The following DPP6 variants were observed in gnomAD, a reference collection of about 807,000 sequenced individuals.
DPP6 encodes A-type potassium channel modulatory protein DPP6.
Under a neutral mutation model 122.6 loss-of-function variants are expected in DPP6, and 69 were observed. The observed-to-expected ratio is 0.56, with a 90% confidence interval of 0.46 to 0.69. The LOEUF (loss-of-function observed/expected upper bound fraction) is 0.69. Among genes scored for constraint, DPP6 ranks in the 30% least tolerant of loss-of-function variants. The pLI is 0.00. For missense variants in DPP6, 928 were observed against 1,116.9 expected (o/e 0.83, Z 2.41); for synonymous variants, 418 against 433.1 (o/e 0.97, Z 0.43).
rs540579215 is a variant in DPP6, at chr7:154,512,734, A to G, written c.458-27798A>G. ...ATCATCTTAGGGATGGCAAGTTCTT[A>G]CTGAGAAGGATGACTTCATGCTGGA... On this transcript the variant is annotated intron_variant, in intron 3 of 25. Transcript: ENST00000377770. 1.1e-4 allele frequency among the ~76,000 whole-genome samples: 17 copies of G among 152,336 alleles called. No individual in the cohort carries two copies. The East Asian group carries it at 3.1e-3, about 28-fold the overall frequency.
chr7:154,073,340 C>T (rs1803262489), intron 1 of DPP6, among the ~76,000 whole-genome samples: 1 of 152,158 alleles, frequency 6.6e-6, no homozygotes, highest in African/African-American at 2.4e-5. Flanking sequence ...TCCTGGTCCG[C>T]CTTCTTCTCT....
intron 1 of DPP6, among the ~76,000 whole-genome samples, chr7:154,165,221 T>C (rs1797186821): frequency 1.4e-5 from 2 of 144,110 alleles, no homozygotes; most frequent in South Asian, 2.3e-4. Flanking sequence ...GTGATCTCAT[T>C]GTTCAATTCC....
At chr7:154,072,389 C>T (rs1252811724) in intron 1 of DPP6, among the ~76,000 whole-genome samples, 2 of 152,178 alleles carry the variant, frequency 1.3e-5, no homozygotes, top group African/African-American at 2.4e-5. Context: ...TGCTGCTTTG[C>T]AAAGCTGCCT....
intron 1 of DPP6, among the ~76,000 whole-genome samples, chr7:153,925,139 C>CT (rs1800829120): frequency 6.6e-6 from 1 of 152,176 alleles, no homozygotes; most frequent in Non-Finnish European, 1.5e-5. Flanking sequence ...AGAGTATACT[C>CT]TGATTCCCTA....
chr7:154,356,855 A>G (rs6944172), intron 1 of DPP6, among the ~76,000 whole-genome samples: 12,995 of 152,226 alleles, frequency 0.085, 695 homozygotes, highest in African/African-American at 0.14. Flanking sequence ...TAGCAAATAG[A>G]AAGAATTAAA....
chr7:154,835,364 G>A (rs920745330), intron 16 of DPP6, among the ~76,000 whole-genome samples: 3 of 152,060 alleles, frequency 2.0e-5, no homozygotes, highest in African/African-American at 4.8e-5. Context: ...CCTTCATCTC[G>A]GACTTCTGGC....
intron 1 of DPP6, among the ~76,000 whole-genome samples, chr7:153,888,061 G>A (rs1028364138): frequency 6.6e-6 from 1 of 152,178 alleles, no homozygotes; most frequent in Non-Finnish European, 1.5e-5. Context: ...GCCCCAAGCA[G>A]ACCCCCAGGG....
the DPP6 span, among the ~76,000 whole-genome samples, chr7:153,860,952 C>A: frequency 1.3e-5 from 2 of 152,138 alleles, no homozygotes; most frequent in East Asian, 3.9e-4. Context: ...TTTTTAAAAG[C>A]ATTACTGAGA....
At chr7:153,988,113 A>G (rs1255160772) in intron 1 of DPP6, among the ~76,000 whole-genome samples, 1 of 152,202 alleles carries the variant, frequency 6.6e-6, no homozygotes. Flanking sequence ...GGATTGCCTC[A>G]GTGAACTTAA....
chr7:153,969,243 T>C (rs1216090686), intron 1 of DPP6, among the ~76,000 whole-genome samples: 2 of 149,472 alleles, frequency 1.3e-5, no homozygotes, highest in African/African-American at 5.2e-5. Context: ...AGCTCCCAAG[T>C]GGTGTAGCTC....
chr7:154,114,372 A>G (rs1806825547), intron 1 of DPP6, among the ~76,000 whole-genome samples: 1 of 152,138 alleles, frequency 6.6e-6, no homozygotes, highest in Non-Finnish European at 1.5e-5. Flanking sequence ...AGCAGTGTCT[A>G]TACCACAGGG....
intron 1 of DPP6, among the ~76,000 whole-genome samples, chr7:154,006,433 T>C (rs560834330): frequency 2.4e-3 from 364 of 152,276 alleles, no homozygotes; most frequent in African/African-American, 8.4e-3. Flanking sequence ...TGGTTCTTTG[T>C]AGATTCTTTC....
chr7:154,578,656 G>A (rs978682118), intron 5 of DPP6, among the ~76,000 whole-genome samples: 18 of 152,118 alleles, frequency 1.2e-4, no homozygotes, highest in East Asian at 3.9e-4. Flanking sequence ...ATTGGGTGCC[G>A]CCTTGGGTCT....
chr7:154,451,921 C>T (rs1250658394), intron 2 of DPP6, among the ~76,000 whole-genome samples: 5 of 152,190 alleles, frequency 3.3e-5, no homozygotes, highest in African/African-American at 7.2e-5. Flanking sequence ...AATGTTGCAC[C>T]GCTGCTCCCG....
chr7:153,838,087 T>C, the DPP6 span, among the ~76,000 whole-genome samples: 1 of 151,974 alleles, frequency 6.6e-6, no homozygotes, highest in Non-Finnish European at 1.5e-5. Flanking sequence ...ACAGGTGTCA[T>C]AATAGGGCCA....
chr7:153,985,169 A>G (rs1796779673), intron 1 of DPP6, among the ~76,000 whole-genome samples: 1 of 152,232 alleles, frequency 6.6e-6, no homozygotes, highest in Non-Finnish European at 1.5e-5. Context: ...CCATGTTTTA[A>G]GACTACTTTG....
At chr7:153,894,667 T>G (rs1799333751) in intron 1 of DPP6, among the ~76,000 whole-genome samples, 1 of 152,134 alleles carries the variant, frequency 6.6e-6, no homozygotes, top group Non-Finnish European at 1.5e-5. Context: ...CACTGGTTCC[T>G]CCTGCCCCCG....
At chr7:154,711,660 C>CTT (rs11394085) in intron 7 of DPP6, among the ~76,000 whole-genome samples, 1 of 151,908 alleles carries the variant, frequency 6.6e-6, no homozygotes, top group Non-Finnish European at 1.5e-5. Flanking sequence ...AAGGTTCTTT[C>CTT]TTTTTTATCA....
At chr7:153,840,964 A>G in the DPP6 span, among the ~76,000 whole-genome samples, 5 of 152,338 alleles carry the variant, frequency 3.3e-5, no homozygotes, top group African/African-American at 1.2e-4. Context: ...CTCTGTGTCC[A>G]GTTCATTTGT....
Sources: gnomAD v4.1 joint callset for allele counts (sites outside exome capture counted in the v4.1 genomes callset) on GRCh38, gnomAD v4.1.1 for gene constraint, MANE v1.5 for transcripts, NCBI Gene and HGNC (gene_info 2026-07-23, HGNC 2026-07-21) for gene names.